The following DZIP3 variants were observed in gnomAD, a reference collection of about 807,000 sequenced individuals.
DZIP3 encodes E3 ubiquitin-protein ligase DZIP3.
Under a neutral mutation model 162.0 loss-of-function variants are expected in DZIP3, and 118 were observed. That is an observed-to-expected ratio of 0.73 (90% CI 0.63 to 0.85). DZIP3 has a LOEUF of 0.85. Among genes scored for constraint, DZIP3 ranks in the 40% least tolerant of loss-of-function variants. The probability of loss-of-function intolerance (pLI) is 0.00; values close to 1 mark genes in which losing one functional copy is unlikely to be tolerated. For missense variants in DZIP3, 1,331 were observed against 1,407.0 expected (o/e 0.95, Z 0.86); for synonymous variants, 438 against 458.6 (o/e 0.96, Z 0.57).
chr3:108,684,382 T>G (rs769080533), intron 27 of DZIP3, 41 bp downstream of exon 27: 1 of 1,593,358 alleles, frequency 6.3e-7, no homozygotes, highest in East Asian at 2.2e-5. Flanking sequence ...ATTAGTTTTT[T>G]TATTACTCTA....
At chr3:108,631,055 A>ACACCCTCTCTCTCTCTCTCT in intron 8 of DZIP3, among the ~76,000 whole-genome samples, 1 of 18,006 alleles carries the variant, frequency 5.6e-5, no homozygotes, top group African/African-American at 2.8e-4. Context: ...ACACACACAC[A>ACACCCTCTCTCTCTCTCTCT]CTCTCTCTCT....
At chr3:108,661,644 A>G (rs1943441395) in intron 19 of DZIP3, among the ~76,000 whole-genome samples, 2 of 152,178 alleles carry the variant, frequency 1.3e-5, no homozygotes, top group Admixed American at 6.5e-5. Context: ...ATAATTAAAA[A>G]AAAAGAAATG....
intron 8 of DZIP3, among the ~76,000 whole-genome samples, chr3:108,631,006 C>T (rs1172593094): frequency 8.8e-6 from 1 of 114,276 alleles, no homozygotes; most frequent in Non-Finnish European, 1.8e-5. Context: ...TTATACATCC[C>T]CTACACACAC....
intron 19 of DZIP3, among the ~76,000 whole-genome samples, chr3:108,654,958 G>C (rs930648990): frequency 2.6e-5 from 4 of 152,090 alleles, no homozygotes; most frequent in Non-Finnish European, 4.4e-5. Context: ...CATTGTCTAA[G>C]GGTACAGTTA....
At chr3:108,636,440 A>G (rs181734211) in intron 10 of DZIP3, among the ~76,000 whole-genome samples, 176 bp from the exon 11 acceptor site, 202 of 152,136 alleles carry the variant, frequency 1.3e-3, no homozygotes, top group African/African-American at 4.6e-3. Context: ...CATTTTAAAT[A>G]GGATATCCAT....
intron 6 of DZIP3, among the ~76,000 whole-genome samples, chr3:108,625,336 T>C (rs547737945): frequency 1.9e-3 from 283 of 152,340 alleles, no homozygotes; most frequent in African/African-American, 6.5e-3. Context: ...TGAAGAATTG[T>C]GCTCCCATTA....
intron 26 of DZIP3, among the ~76,000 whole-genome samples, chr3:108,680,874 A>T (rs543911350): frequency 9.3e-4 from 142 of 152,338 alleles, no homozygotes; most frequent in Non-Finnish European, 1.8e-3. Flanking sequence ...TATTTAATGA[A>T]TGGTGTTGGG....
chr3:108,687,885 C>A (rs1415698215), intron 28 of DZIP3, 91 bp from the exon 29 acceptor site: 2 of 1,534,560 alleles, frequency 1.3e-6, no homozygotes, highest in Non-Finnish European at 1.8e-6. Context: ...ATCAATCATG[C>A]GATAGGATTT....
chr3:108,686,353 T>C (rs1177948422), intron 27 of DZIP3, 92 bp from the exon 28 acceptor site: 1 of 1,238,154 alleles, frequency 8.1e-7, no homozygotes, highest in African/African-American at 1.5e-5. Flanking sequence ...TGTATGCCAG[T>C]ACGCTTCTTC....
At chr3:108,608,573 T>C (rs530621467) in intron 3 of DZIP3, among the ~76,000 whole-genome samples, 8 of 152,336 alleles carry the variant, frequency 5.3e-5, no homozygotes, top group Non-Finnish European at 1.2e-4. Flanking sequence ...GTTAAACTTA[T>C]TCTTTATTTT....
At chr3:108,618,973 A>G (rs190041486) in intron 5 of DZIP3, among the ~76,000 whole-genome samples, 1 of 149,462 alleles carries the variant, frequency 6.7e-6, no homozygotes, top group African/African-American at 2.4e-5. Flanking sequence ...AGGCAGGAGA[A>G]TCAATTGAAC....
chr3:108,656,520 C>T (rs2107262652), intron 19 of DZIP3, among the ~76,000 whole-genome samples: 1 of 152,010 alleles, frequency 6.6e-6, no homozygotes, highest in South Asian at 2.1e-4. Flanking sequence ...AGACCAAAGG[C>T]AGATAAAACC....
chr3:108,634,890 G>A lies in DZIP3; in HGVS notation c.836G>A (p.Cys279Tyr). Residue 279 changes from cysteine (C) to tyrosine (Y), a missense_variant, in exon 10 of 33, where the codon TGC becomes TAC. Physicochemically the swap from Cys to Tyr is radical, Grantham distance 194. This residue lies in a region of DZIP3 where 1,278 missense variants were observed against 1,317.1 expected (regional missense o/e 0.97). Transcript: ENST00000361582. ...TSYKGFFQLMCSKSCCVYFHK... is the reference protein window; with the variant it reads ...TSYKGFFQLMYSKSCCVYFHK... ...TTCCAGGGATTTTTTCAGTTAATGT[G>A]CAGTAAAAGTTGCTGTGTTTATTTC... 6.2e-7 allele frequency: 1 copy of A among 1,606,522 alleles called. No homozygotes were observed. The highest frequency in any genetic ancestry group is 8.5e-7 in the Non-Finnish European group (1 of 1,175,932).
rs368823114 is a variant in DZIP3 at position 108,621,043 on chromosome 3, G to A, written c.376-3401G>A. The stretch of plus-strand genomic sequence containing the variant: ...TCACCATGTTGGCCAGGATGGTCTC[G>A]ATGTCCTGACCTTGTAATCTGCCTG... On this transcript the variant is annotated intron_variant, in intron 5 of 32. Transcript: ENST00000361582. Among the ~76,000 whole-genome samples, 11 of 152,188 alleles carry A rather than the reference G, an allele frequency of 7.2e-5. No homozygotes were observed. The South Asian group carries it at 1.0e-3, about 14-fold the overall frequency.
At chr3:108,641,710 CAG>C (rs1250275984) in intron 12 of DZIP3, among the ~76,000 whole-genome samples, 2 of 152,116 alleles carry the variant, frequency 1.3e-5, no homozygotes, top group Non-Finnish European at 2.9e-5. Flanking sequence ...TTCATATTGT[CAG>C]AGTTTTACAT....
chr3:108,634,708 C>T (rs1942058555), intron 9 of DZIP3, among the ~76,000 whole-genome samples, 163 bp from the exon 10 acceptor site: 1 of 151,868 alleles, frequency 6.6e-6, no homozygotes, highest in South Asian at 2.1e-4. Context: ...GTAAAAATGA[C>T]TTGTAAAGTT....
intron 18 of DZIP3, among the ~76,000 whole-genome samples, chr3:108,651,685 T>G (rs982738220): frequency 2.0e-5 from 3 of 151,708 alleles, no homozygotes; most frequent in African/African-American, 7.2e-5. Context: ...TTATTCACAG[T>G]GAATTTTGAA....
rs1941033359 is a variant in DZIP3 at position 108,616,656 on chromosome 3, C to T, written c.374C>T (p.Thr125Ile). 1 of 1,567,798 alleles carries T rather than the reference C, an allele frequency of 6.4e-7. No individual in the cohort carries two copies. ...ALRNIQAGNY[T>I]AHQINIGYYL... ...AGGAACATTCAAGCTGGCAATTATA[C>T]CGTAAGTGTTTTCTTTTTGGAAATT... Residue 125 changes from threonine to isoleucine, a missense_variant and splice_region_variant, in exon 5 of 33, where the codon ACC (threonine) becomes ATC (isoleucine). This residue lies in a region of DZIP3 where 1,278 missense variants were observed against 1,317.1 expected (regional missense o/e 0.97). Coordinates refer to ENST00000361582, the MANE Select transcript of DZIP3 (RefSeq NM_014648.4).
Position 108,616,673 on chromosome 3 carries a change from T to C in DZIP3, c.375+16T>C, listed in dbSNP as rs767506687. ...CAATTATACCGTAAGTGTTTTCTTT[T>C]TGGAAATTTGATATAATGGACTTGG... On this transcript the variant is annotated intron_variant, in intron 5 of 32. Transcript: ENST00000361582. 2 of 1,529,094 alleles carry C rather than the reference T, an allele frequency of 1.3e-6. No individual in the cohort carries two copies. Among genetic ancestry groups the C allele is most frequent in the East Asian group, 4.8e-5 (2 of 41,920 alleles). 94.7% of individuals were successfully genotyped at this position (1,529,094 alleles called of 1,614,324 possible).
Sources: allele counts gnomAD v4.1 joint callset (sites outside exome capture counted in the v4.1 genomes callset), GRCh38; gene constraint gnomAD v4.1.1; regional missense constraint gnomAD v4.1.1; transcripts MANE v1.5; gene names NCBI Gene and HGNC (gene_info 2026-07-23, HGNC 2026-07-21).